PPM1B: variants seen among roughly 807,000 people sequenced by gnomAD.
PPM1B encodes protein phosphatase, Mg2+/Mn2+ dependent 1B.
A neutral mutation model predicts 43.0 loss-of-function variants in PPM1B; 22 were observed. That is an observed-to-expected ratio of 0.51 (90% CI 0.37 to 0.73). The LOEUF (loss-of-function observed/expected upper bound fraction) is 0.73, where lower values mean the gene tolerates loss of function less well. PPM1B is among the 30% of genes least tolerant of loss of function. The probability of loss-of-function intolerance (pLI) is 0.00; values close to 1 mark genes in which losing one functional copy is unlikely to be tolerated. For missense variants in PPM1B, 632 were observed against 584.2 expected (o/e 1.08, Z -0.84); for synonymous variants, 217 against 197.9 (o/e 1.10, Z -0.81).
In PPM1B at chr2:44,230,703, T is replaced by C. The variant is rs1487292347; in HGVS notation, c.1425T>C (p.Ser475=). ...SSNEDAGTKM[S]GEKI ...ATGAAGATGCAGGGACAAAGATGAG[T>C]GGTGAAAAAATATGACTTTCCTTTT... Residue 475 remains serine (S), a synonymous_variant, in exon 6 of 6, where the codon AGT becomes AGC. Coordinates refer to ENST00000282412, the MANE Select transcript of PPM1B (RefSeq NM_002706.6). The C allele has an allele frequency of 6.2e-7, 1 of 1,606,532 alleles. No individual in the cohort carries two copies. The highest frequency in any genetic ancestry group is 2.2e-5 in the East Asian group (1 of 44,710).
At chr2:44,179,735 A>G (rs1026875965) in intron 1 of PPM1B, among the ~76,000 whole-genome samples, 5 of 152,294 alleles carry the variant, frequency 3.3e-5, no homozygotes, top group Admixed American at 6.5e-5. Context: ...CTGGCCGGGC[A>G]TGGTGGCTCA....
downstream of PPM1B, chr2:44,234,533 G>GAAA (rs772697352): frequency 6.1e-5 from 47 of 767,346 alleles, no homozygotes; most frequent in South Asian, 1.2e-4. Flanking sequence ...AAAAAAAAAA[G>GAAA]AAAAAAAAAA....
At chr2:44,174,766 C>A (rs547358429) in intron 1 of PPM1B, among the ~76,000 whole-genome samples, 40 of 152,278 alleles carry the variant, frequency 2.6e-4, no homozygotes, top group Non-Finnish European at 4.6e-4. Context: ...TTGTAGGTAT[C>A]AAGAGCACTC....
downstream of PPM1B, chr2:44,232,380 A>T (rs775973669): frequency 4.4e-5 from 70 of 1,594,264 alleles, no homozygotes; most frequent in Non-Finnish European, 5.7e-5. Context: ...TTGATTCTGA[A>T]AATTGGGGGA....
At chr2:44,233,941 A>C (rs185468522), downstream of PPM1B, 1 of 985,436 alleles carries the variant, frequency 1.0e-6, no homozygotes, top group Non-Finnish European at 1.2e-6. Context: ...TTTATCGTTC[A>C]AACTGTCCAC....
chr2:44,221,108 A>G lies in PPM1B; in HGVS notation c.1134+2571A>G, dbSNP rs538040794. On this transcript the variant is annotated intron_variant, in intron 5 of 5. Coordinates refer to ENST00000282412, the MANE Select transcript of PPM1B (RefSeq NM_002706.6). The stretch of plus-strand genomic sequence containing the variant: ...TGTGGTATTTTAATCTGTTAGAAAC[A>G]TTTACCATATTAGATTAAAGAGATG... Among the ~76,000 whole-genome samples, 10 of 152,348 alleles carry G rather than the reference A, an allele frequency of 6.6e-5. No individual in the cohort carries two copies. The East Asian group carries it at 1.7e-3, about 26-fold the overall frequency.
At chr2:44,193,973 C>G (rs929993618) in intron 1 of PPM1B, among the ~76,000 whole-genome samples, 2 of 152,164 alleles carry the variant, frequency 1.3e-5, no homozygotes, top group Non-Finnish European at 2.9e-5. Flanking sequence ...CTTGAACTCC[C>G]AAAGCCCTGG....
At chr2:44,210,904 G>C (rs1669432598) in intron 3 of PPM1B, among the ~76,000 whole-genome samples, 1 of 152,174 alleles carries the variant, frequency 6.6e-6, no homozygotes, top group Admixed American at 6.5e-5. Flanking sequence ...TTGGGAGGCT[G>C]AGGTGCACGG....
chr2:44,186,301 T>G (rs1259869055), intron 1 of PPM1B, among the ~76,000 whole-genome samples: 2 of 152,220 alleles, frequency 1.3e-5, no homozygotes, highest in African/African-American at 4.8e-5. Flanking sequence ...TTGGTAACAC[T>G]TTGGAGTATA....
At chr2:44,191,612 A>G (rs1040383807) in intron 1 of PPM1B, among the ~76,000 whole-genome samples, 4 of 152,176 alleles carry the variant, frequency 2.6e-5, no homozygotes, top group Admixed American at 2.6e-4. Flanking sequence ...ATACAAGTTA[A>G]TGTAGTCTAT....
intron 1 of PPM1B, among the ~76,000 whole-genome samples, chr2:44,182,924 A>G (rs1003444157): frequency 1.3e-5 from 2 of 152,008 alleles, no homozygotes; most frequent in Non-Finnish European, 2.9e-5. Flanking sequence ...AGTTTATGGG[A>G]TCTAGATTGC....
chr2:44,220,282 A>T (rs1057194428), intron 5 of PPM1B, among the ~76,000 whole-genome samples: 2 of 151,134 alleles, frequency 1.3e-5, no homozygotes, highest in Non-Finnish European at 2.9e-5. Context: ...ATATATATAT[A>T]CCTTGCTGGA....
At chr2:44,237,446 A>G (rs1379045883), downstream of PPM1B, among the ~76,000 whole-genome samples, 3 of 152,294 alleles carry the variant, frequency 2.0e-5, 1 homozygote, top group South Asian at 4.1e-4. Context: ...TTTACCTGCA[A>G]ACACCACTTA....
At chr2:44,175,241 G>C (rs1354133560) in intron 1 of PPM1B, among the ~76,000 whole-genome samples, 3 of 151,922 alleles carry the variant, frequency 2.0e-5, no homozygotes, top group Admixed American at 1.3e-4. Flanking sequence ...GCAAAAGTGA[G>C]ACTCCGTCTC....
intron 1 of PPM1B, among the ~76,000 whole-genome samples, chr2:44,183,748 C>CT (rs1490614883): frequency 6.6e-6 from 1 of 151,790 alleles, no homozygotes; most frequent in Admixed American, 6.6e-5. Flanking sequence ...TTTTTTTCTT[C>CT]TTTTTTTCAA....
At chr2:44,190,895 C>G (rs189263956) in intron 1 of PPM1B, among the ~76,000 whole-genome samples, 341 of 152,254 alleles carry the variant, frequency 2.2e-3, no homozygotes, top group African/African-American at 7.9e-3. Flanking sequence ...TTTACTGAGA[C>G]ATGAACTGTT....
downstream of PPM1B, among the ~76,000 whole-genome samples, chr2:44,245,442 C>T (rs879391738): frequency 2.0e-5 from 3 of 152,104 alleles, no homozygotes; most frequent in Non-Finnish European, 4.4e-5. Flanking sequence ...TCTTATTAAC[C>T]CTCGGGGCTA....
chr2:44,231,464 A>G lies in PPM1B; in HGVS notation c.*746A>G. On this transcript the variant is annotated 3_prime_UTR_variant, in exon 6 of 6. Transcript: ENST00000282412. Reference sequence around the variant, plus strand: ...AGTCCAAATAAAGCATGTGATGTGGAATAATCTATGCATGTTGTACTTATT... The same window carrying G: ...AGTCCAAATAAAGCATGTGATGTGGGATAATCTATGCATGTTGTACTTATT... 3.1e-6 allele frequency: 3 copies of G among 972,002 alleles called. No homozygotes were observed. Among genetic ancestry groups the G allele is most frequent in the Non-Finnish European group, 3.7e-6 (3 of 817,608 alleles). The allele number at this position is 972,002 out of a possible 1,614,324, so 60.2% of individuals were successfully genotyped here. A position where few individuals can be genotyped will look rare whatever the true frequency, so the allele number is the denominator to read the frequency against.
chr2:44,195,584 G>A (rs1415626417), intron 1 of PPM1B, among the ~76,000 whole-genome samples: 1 of 152,130 alleles, frequency 6.6e-6, no homozygotes, highest in Non-Finnish European at 1.5e-5. Context: ...TTTTGATGTG[G>A]GAGGATTGCT....
Sources: gnomAD v4.1 joint callset for allele counts (sites outside exome capture counted in the v4.1 genomes callset) on GRCh38, gnomAD v4.1.1 for gene constraint, MANE v1.5 for transcripts, NCBI Gene and HGNC (gene_info 2026-07-23, HGNC 2026-07-21) for gene names.